Variants in ZNF675 observed in about 807,000 individuals in gnomAD.
The protein encoded by ZNF675 is zinc finger protein 675.
In ZNF675, 36 loss-of-function variants were observed where a neutral mutation model predicts 56.1. That is an observed-to-expected ratio of 0.64 (90% CI 0.49 to 0.85). The LOEUF is 0.85. Among genes scored for constraint, ZNF675 ranks in the 40% least tolerant of loss-of-function variants. ZNF675 has a pLI of 0.00. For synonymous variants in ZNF675, 200 were observed against 218.9 expected (o/e 0.91, Z 0.76); for missense variants, 663 against 654.2 (o/e 1.01, Z -0.15).
intron 1 of ZNF675, among the ~76,000 whole-genome samples, chr19:23,670,240 AT>A (rs911501041): frequency 2.0e-5 from 3 of 152,012 alleles, no homozygotes; most frequent in African/African-American, 7.3e-5. Context: ...AATGTATAAT[AT>A]TTTTCTGCAA....
At chr19:23,668,563 C>T (rs1349068292) in intron 1 of ZNF675, among the ~76,000 whole-genome samples, 2 of 152,236 alleles carry the variant, frequency 1.3e-5, no homozygotes, top group African/African-American at 2.4e-5. Context: ...TGGGACTGGG[C>T]GCCGTGGAGC....
chr19:23,653,569 T>A lies in ZNF675; in HGVS notation c.1364A>T (p.Glu455Val), dbSNP rs766872933. Residue 455 changes from glutamate (E) to valine (V), a missense_variant, in exon 4 of 4, where the codon GAA becomes GTA. Glu to Val is a moderately radical substitution (Grantham distance 121). Around this residue, in one of 3 missense-constraint regions of ZNF675, gnomAD observed 617 missense variants for 590.5 expected, o/e 1.04. Transcript: ENST00000359788. ...LHTGKKPYKC[E>V]ECGKAFIQSS... ...TTGGATAAAAGCTTTGCCACATTCT[T>A]CACATTTGTAGGGTTTCTTTCCAGT... 1.9e-6 allele frequency: 3 copies of A among 1,612,830 alleles called. No individual in the cohort carries two copies. The highest frequency in any genetic ancestry group is 2.2e-5 in the South Asian group (2 of 90,962).
At position 23,680,391 on chromosome 19, in the gene ZNF675, A is replaced by G. The variant is rs1474952427; in HGVS notation, c.3+6640T>C. On this transcript the variant is annotated intron_variant, in intron 1 of 3. Transcript: ENST00000359788. ...CCAAGATCATTTCTTTTGCAGCAAC[A>G]TGTACAGAGCTAGAGACCACTATCC... is the stretch of plus-strand genomic sequence containing the variant. Among the ~76,000 whole-genome samples, 4 of 151,858 alleles carry G rather than the reference A, an allele frequency of 2.6e-5. No individual in the cohort carries two copies. The South Asian group carries it at 8.3e-4, about 31-fold the overall frequency.
At chr19:23,658,100 G>A (rs1022236565) in intron 3 of ZNF675, among the ~76,000 whole-genome samples, 5 of 152,166 alleles carry the variant, frequency 3.3e-5, no homozygotes, top group East Asian at 1.9e-4. Flanking sequence ...AGTGGCTCAC[G>A]TCTGTAATCC....
At position 23,681,492 on chromosome 19, in the gene ZNF675, C is replaced by T. The variant is rs142493595; in HGVS notation, c.3+5539G>A. Among the ~76,000 whole-genome samples, 285 of 151,776 alleles carry T rather than the reference C, an allele frequency of 1.9e-3. 12 individuals carry two copies. The highest frequency in any genetic ancestry group is 6.5e-3 in the African/African-American group (266 of 41,084). ...GCTTGTGTACAGGAGAGCAGAGCCT[C>T]CCATTCCAGGCACCCAGAGTTCCAT... On this transcript the variant is annotated intron_variant, in intron 1 of 3. Transcript: ENST00000359788.
intron 3 of ZNF675, among the ~76,000 whole-genome samples, chr19:23,658,900 T>TATATAGATATAG: frequency 4.1e-5 from 1 of 24,190 alleles, no homozygotes; most frequent in African/African-American, 9.0e-5. Context: ...GATCTATAGA[T>TATATAGATATAG]ATCTATAGAT....
At chr19:23,679,595 A>G (rs1968348284) in intron 1 of ZNF675, among the ~76,000 whole-genome samples, 1 of 151,638 alleles carries the variant, frequency 6.6e-6, no homozygotes, top group East Asian at 1.9e-4. Context: ...AGAATAAAAG[A>G]AAATATTTGC....
chr19:23,676,400 C>CACAAACAA (rs71165870), intron 1 of ZNF675, among the ~76,000 whole-genome samples: 3 of 151,440 alleles, frequency 2.0e-5, no homozygotes, highest in African/African-American at 7.3e-5. Context: ...AAAACAAACA[C>CACAAACAA]ACAAACAAAA....
chr19:23,664,234 T>C (rs1968120060), intron 1 of ZNF675, among the ~76,000 whole-genome samples: 1 of 152,136 alleles, frequency 6.6e-6, no homozygotes, highest in African/African-American at 2.4e-5. Context: ...CTCTGAAAAT[T>C]CTTTTCACAT....
At chr19:23,669,349 T>C (rs1376845098) in intron 1 of ZNF675, among the ~76,000 whole-genome samples, 1 of 152,168 alleles carries the variant, frequency 6.6e-6, no homozygotes, top group African/African-American at 2.4e-5. Flanking sequence ...AAACCTTCTT[T>C]TCTTTTCTTA....
intron 3 of ZNF675, among the ~76,000 whole-genome samples, chr19:23,660,923 T>C (rs1024400607): frequency 4.6e-5 from 6 of 129,152 alleles, no homozygotes; most frequent in African/African-American, 1.7e-4. Flanking sequence ...TATCATACTT[T>C]GTAATTTTCT....
At chr19:23,679,219 T>C (rs7252662) in intron 1 of ZNF675, among the ~76,000 whole-genome samples, 146,720 of 148,158 alleles carry the variant, frequency 0.99, 72,707 homozygotes, top group Middle Eastern at 1. Context: ...TTAAATAATC[T>C]TATTAAAAAT....
chr19:23,680,177 C>T (rs1968358384), intron 1 of ZNF675, among the ~76,000 whole-genome samples: 1 of 151,266 alleles, frequency 6.6e-6, no homozygotes, highest in Admixed American at 6.6e-5. Flanking sequence ...GTAGCAGGCT[C>T]CTGTAATCCC....
At chr19:23,663,478 G>A (rs1968108919) in intron 1 of ZNF675, among the ~76,000 whole-genome samples, 1 of 152,154 alleles carries the variant, frequency 6.6e-6, no homozygotes, top group African/African-American at 2.4e-5. Flanking sequence ...GATTACCTGA[G>A]GTCGGGAGTT....
At chr19:23,686,946 G>A (rs1254224798) in intron 1 of ZNF675, 85 bp downstream of exon 1, 1 of 1,516,970 alleles carries the variant, frequency 6.6e-7, no homozygotes, top group Admixed American at 1.7e-5. Flanking sequence ...TGACTGCGGG[G>A]AGGCCTGAGT....
chr19:23,686,965 A>G lies in ZNF675; in HGVS notation c.3+66T>C, dbSNP rs1388941710. On this transcript the variant is annotated intron_variant, in intron 1 of 3. Coordinates refer to ENST00000359788, the MANE Select transcript of ZNF675 (RefSeq NM_138330.3). ...TGCGGGGAGGCCTGAGTCCCGCCAT[A>G]GCCATTTCCCACGGGTTCCAACCAG... 3.7e-6 allele frequency: 6 copies of G among 1,601,150 alleles called. No homozygotes were observed. The Admixed American group carries it at 5.0e-5, about 13-fold the overall frequency.
At chr19:23,673,998 T>C (rs1968258746) in intron 1 of ZNF675, among the ~76,000 whole-genome samples, 2 of 150,736 alleles carry the variant, frequency 1.3e-5, no homozygotes, top group Admixed American at 6.6e-5. Context: ...AGGTCAGGAG[T>C]TCGAAACCAG....
At chr19:23,670,445 C>T (rs59570020) in intron 1 of ZNF675, among the ~76,000 whole-genome samples, 2,539 of 150,968 alleles carry the variant, frequency 0.017, 81 homozygotes, top group African/African-American at 0.058. Flanking sequence ...AACCTACCCC[C>T]CAAAGGAAAG....
At chr19:23,660,809 T>G (rs1204796517) in intron 3 of ZNF675, among the ~76,000 whole-genome samples, 2 of 152,222 alleles carry the variant, frequency 1.3e-5, no homozygotes, top group Non-Finnish European at 2.9e-5. Context: ...CAGTGGCATT[T>G]GTTTTTCACA....
Sources: allele counts gnomAD v4.1 joint callset (sites outside exome capture counted in the v4.1 genomes callset), GRCh38; gene constraint gnomAD v4.1.1; regional missense constraint gnomAD v4.1.1; transcripts MANE v1.5; gene names NCBI Gene and HGNC (gene_info 2026-07-23, HGNC 2026-07-21).